Variants in CUL3 observed in about 807,000 individuals in gnomAD.
CUL3 encodes cullin 3, also known as cullin-3.
Under a neutral mutation model 89.1 loss-of-function variants are expected in CUL3, and 19 were observed. The observed-to-expected ratio is 0.21, with a 90% CI of 0.15 to 0.31. The LOEUF (loss-of-function observed/expected upper bound fraction) is 0.31, where lower values mean the gene tolerates loss of function less well. CUL3 is among the 10% of genes least tolerant of loss of function. The pLI is 1.00. For synonymous variants in CUL3, 351 were observed against 308.4 expected (o/e 1.14, Z -1.45); for missense variants, 469 against 942.3 (o/e 0.50, Z 6.58).
intron 2 of CUL3, among the ~76,000 whole-genome samples, chr2:224,545,364 GA>G (rs1694255637): frequency 6.6e-6 from 1 of 151,866 alleles, no homozygotes; most frequent in Admixed American, 6.6e-5. Context: ...CCACTGTAGG[GA>G]AAAAATTTTC....
At position 224,478,407 on chromosome 2, in the gene CUL3, CTTA is replaced by C. The variant is rs1691401888; in HGVS notation, c.2030-65_2030-63del. 5.3e-6 allele frequency: 8 copies of C among 1,521,468 alleles called. 1 individual carries two copies. Among genetic ancestry groups the C allele is most frequent in the Non-Finnish European group, 7.1e-6 (8 of 1,124,132 alleles). The allele number at this position is 1,521,468 out of a possible 1,614,324, so 94.2% of individuals were successfully genotyped here. On this transcript the variant is annotated intron_variant, in intron 14 of 15. Transcript: ENST00000264414. ...TTTTAAAATTTGGTTTATAAGCAAG[CTTA>C]TTATAATTCAATGTAATCCACAGAT...
chr2:224,520,446 T>C (rs938971784), intron 3 of CUL3, among the ~76,000 whole-genome samples: 3 of 152,266 alleles, frequency 2.0e-5, no homozygotes, highest in Admixed American at 2.0e-4. Context: ...GCACTTCATT[T>C]GTAACATAAC....
chr2:224,506,371 CCTCA>C (rs1301639475), intron 7 of CUL3, among the ~76,000 whole-genome samples: 1 of 152,132 alleles, frequency 6.6e-6, no homozygotes, highest in Non-Finnish European at 1.5e-5. Flanking sequence ...CAAAGAACCT[CCTCA>C]CTGTTTCTCA....
intron 2 of CUL3, among the ~76,000 whole-genome samples, chr2:224,553,750 T>C (rs1427875587): frequency 6.6e-6 from 1 of 152,142 alleles, no homozygotes; most frequent in Non-Finnish European, 1.5e-5. Flanking sequence ...TGGTTGTCTA[T>C]AGACCAGGAA....
At chr2:224,540,414 A>T (rs1375143032) in intron 2 of CUL3, among the ~76,000 whole-genome samples, 6 of 151,946 alleles carry the variant, frequency 3.9e-5, no homozygotes, top group Non-Finnish European at 8.8e-5. Context: ...TAAAAAAAAA[A>T]GGGAGGGAGG....
intron 3 of CUL3, 112 bp from the exon 4 acceptor site, chr2:224,514,884 T>A: frequency 1.4e-6 from 1 of 719,440 alleles, no homozygotes; most frequent in East Asian, 2.7e-5. Context: ...ATTTTTCAGG[T>A]GAGAAACACT....
In CUL3 at chr2:224,514,638, T is replaced by C; in HGVS notation, c.513A>G (p.Arg171=). ...TGTCTACGACTTCTCCTTTCCGCTC[T>C]CTTGCAATCATATCCAATAGAGTTT... ...LRQTLLDMIA[R]ERKGEVVDRG... The change falls in exon 4 of 16, where the codon AGA becomes AGG. Residue 171 remains arginine (R), a synonymous_variant. Transcript: ENST00000264414. 1 of 1,613,276 alleles carries C rather than the reference T, an allele frequency of 6.2e-7. No individual in the cohort carries two copies. The highest frequency in any genetic ancestry group is 1.1e-5 in the South Asian group (1 of 90,976).
chr2:224,517,629 G>A (rs1158023275), intron 3 of CUL3, among the ~76,000 whole-genome samples: 2 of 152,154 alleles, frequency 1.3e-5, no homozygotes, highest in East Asian at 3.9e-4. Context: ...GCCAGCCCCT[G>A]TACTCCAGCC....
At chr2:224,495,674 CATGT>C in intron 13 of CUL3, 154 bp downstream of exon 13, 1 of 526,618 alleles carries the variant, frequency 1.9e-6, no homozygotes. Context: ...TAACTCAATA[CATGT>C]ATGATGTTCA....
chr2:224,503,614 A>G (rs1164283180), intron 9 of CUL3, 38 bp downstream of exon 9: 2 of 1,480,090 alleles, frequency 1.4e-6, no homozygotes, highest in African/African-American at 2.8e-5. Context: ...AATAAACCTC[A>G]GTTAGGTGCA....
chr2:224,509,498 G>T (rs766733967), intron 6 of CUL3, among the ~76,000 whole-genome samples: 5 of 152,136 alleles, frequency 3.3e-5, no homozygotes, highest in Non-Finnish European at 7.4e-5. Context: ...GATTACAGGC[G>T]TTTGCCACCC....
At chr2:224,537,061 T>C (rs530774965) in intron 2 of CUL3, among the ~76,000 whole-genome samples, 4 of 152,178 alleles carry the variant, frequency 2.6e-5, no homozygotes, top group Non-Finnish European at 4.4e-5. Flanking sequence ...CTTTTTCAGA[T>C]TGGGAAAAAG....
chr2:224,562,340 A>C (rs1268112394), intron 1 of CUL3, among the ~76,000 whole-genome samples: 1 of 152,024 alleles, frequency 6.6e-6, no homozygotes. Context: ...AAATTTTTCT[A>C]ACAAATGAGA....
Position 224,585,303 on chromosome 2 carries a change from G to C in CUL3, c.-294C>G, listed in dbSNP as rs1266423325. On this transcript the variant is annotated 5_prime_UTR_variant, in exon 1 of 16. Coordinates refer to ENST00000264414, the MANE Select transcript of CUL3 (RefSeq NM_003590.5). ...TCGGCTCCCTTTATCGCGCTCCTCC[G>C]CGATGGCGGCGGCGGCGGCGACGGA... 1 of 400,912 alleles carries C rather than the reference G, an allele frequency of 2.5e-6. No homozygotes were observed. Among genetic ancestry groups the C allele is most frequent in the Non-Finnish European group, 4.4e-6 (1 of 228,778 alleles). 24.8% of individuals were successfully genotyped at this position (400,912 alleles called of 1,614,324 possible).
At chr2:224,476,925 C>A (rs527831576) in intron 15 of CUL3, among the ~76,000 whole-genome samples, 1 of 152,282 alleles carries the variant, frequency 6.6e-6, no homozygotes, top group South Asian at 2.1e-4. Context: ...AAAGAATAAG[C>A]CACTCTTGGT....
chr2:224,573,264 T>C (rs2106322736), intron 1 of CUL3, among the ~76,000 whole-genome samples: 3 of 152,330 alleles, frequency 2.0e-5, no homozygotes, highest in Admixed American at 2.0e-4. Flanking sequence ...GCTAAGTATA[T>C]ACTTAAATTT....
Position 224,505,159 on chromosome 2 carries a change from C to T in CUL3, c.1206+797G>A, listed in dbSNP as rs576167391. Among the ~76,000 whole-genome samples, 235 of 138,702 alleles carry T rather than the reference C, an allele frequency of 1.7e-3. 1 individual carries two copies. Among genetic ancestry groups the T allele is most frequent in the Middle Eastern group, 0.013 (3 of 234 alleles). The allele number at this position is 138,702 out of a possible 152,430, so 91.0% of individuals were successfully genotyped here. The stretch of plus-strand genomic sequence containing the variant: ...TTCAGTTTTTTTTTTTTTTTTGAGA[C>T]GGAGTTTCGCTATTGTTGCCCCAGC... On this transcript the variant is annotated intron_variant, in intron 8 of 15. Transcript: ENST00000264414.
chr2:224,569,956 CAA>C (rs71062948), intron 1 of CUL3: 3,349 of 59,460 alleles, frequency 0.056, 90 homozygotes, highest in African/African-American at 0.17. Flanking sequence ...GCTCCAGTCT[CAA>C]AAAAAAAAAA....
intron 2 of CUL3, 84 bp from the exon 3 acceptor site, chr2:224,535,725 T>C (rs1214943215): frequency 5.0e-6 from 4 of 795,978 alleles, no homozygotes; most frequent in Non-Finnish European, 8.5e-6. Flanking sequence ...TTTAATAAAA[T>C]AATGAAGTGG....
Sources: gnomAD v4.1 joint callset for allele counts (sites outside exome capture counted in the v4.1 genomes callset) on GRCh38, gnomAD v4.1.1 for gene constraint, MANE v1.5 for transcripts, NCBI Gene and HGNC (gene_info 2026-07-23, HGNC 2026-07-21) for gene names.